The following POLN variants were observed in gnomAD, a reference collection of about 807,000 sequenced individuals.
POLN encodes DNA polymerase N.
Under a neutral mutation model 113.5 loss-of-function variants are expected in POLN, and 108 were observed. The observed-to-expected ratio is 0.95, with a 90% CI of 0.81 to 1.12. POLN has a LOEUF of 1.12. POLN is among the 50% of genes most tolerant of loss of function. The pLI is 0.00. For missense variants in POLN, 1,097 were observed against 1,077.1 expected (o/e 1.02, Z -0.26); for synonymous variants, 386 against 391.5 (o/e 0.99, Z 0.17).
intron 19 of POLN, among the ~76,000 whole-genome samples, chr4:2,124,161 G>A (rs1446936469): frequency 6.6e-6 from 1 of 152,176 alleles, no homozygotes; most frequent in African/African-American, 2.4e-5. Context: ...GAGACAGAAA[G>A]TAGATGAGTG....
At chr4:2,219,288 T>C (rs1222055513) in intron 3 of POLN, among the ~76,000 whole-genome samples, 1 of 152,156 alleles carries the variant, frequency 6.6e-6, no homozygotes, top group African/African-American at 2.4e-5. Context: ...ATATGAATGT[T>C]TCAGTATCCC....
intron 23 of POLN, chr4:2,078,822 A>C: frequency 1.0e-6 from 1 of 985,474 alleles, no homozygotes; most frequent in Non-Finnish European, 1.2e-6. Context: ...GTTCCTGAGT[A>C]AAAGTGTCTG....
rs529118460 is a variant in POLN at position 2,154,912 on chromosome 4, C to A, written c.1731+1876G>T. ...TGCACATGTTATGTTTACATCTCAT[C>A]TTTCCAAAAGTTCAACTGAAATAAC... is the stretch of plus-strand genomic sequence containing the variant. On this transcript the variant is annotated intron_variant, in intron 16 of 25. Coordinates refer to ENST00000511885, the MANE Select transcript of POLN (RefSeq NM_181808.4). 3.9e-5 allele frequency among the ~76,000 whole-genome samples: 6 copies of A among 152,272 alleles called. No homozygotes were observed. In the East Asian group the frequency reaches 9.6e-4, roughly 24 times the overall value.
At chr4:2,171,694 C>T (rs1732865787) in intron 11 of POLN, among the ~76,000 whole-genome samples, 2 of 152,048 alleles carry the variant, frequency 1.3e-5, no homozygotes. Context: ...GATCCCAGCA[C>T]TTTGGGAGGC....
chr4:2,088,793 G>A (rs576225829), intron 20 of POLN: 1,011 of 1,347,876 alleles, frequency 7.5e-4, no homozygotes, highest in Non-Finnish European at 7.7e-4. Flanking sequence ...TGGTATTATC[G>A]CTACAAGAGG....
chr4:2,130,137 C>T (rs1426385750), intron 17 of POLN, among the ~76,000 whole-genome samples: 1 of 151,946 alleles, frequency 6.6e-6, no homozygotes, highest in African/African-American at 2.4e-5. Flanking sequence ...TGCCTGTAAT[C>T]CCAGCTACTA....
At chr4:2,232,425 C>T (rs746937328) in intron 2 of POLN, among the ~76,000 whole-genome samples, 1 of 152,150 alleles carries the variant, frequency 6.6e-6, no homozygotes, top group Non-Finnish European at 1.5e-5. Context: ...CTGTTCTGTG[C>T]ATTCATATAT....
intron 20 of POLN, chr4:2,090,315 A>G: frequency 1.2e-6 from 1 of 806,472 alleles, no homozygotes; most frequent in Non-Finnish European, 2.0e-6. Flanking sequence ...TGATTCAATC[A>G]ATATTTCATC....
intron 7 of POLN, among the ~76,000 whole-genome samples, chr4:2,179,942 G>A (rs753254287): frequency 4.6e-5 from 7 of 152,184 alleles, no homozygotes; most frequent in Non-Finnish European, 8.8e-5. Context: ...GAAGAAGGGC[G>A]GGAGTTGCCT....
At position 2,170,701 on chromosome 4, in the gene POLN, T is replaced by C; in HGVS notation, c.1532A>G (p.Tyr511Cys). The C allele has an allele frequency of 6.2e-7, 1 of 1,613,980 alleles. No homozygotes were observed. Among genetic ancestry groups the C allele is most frequent in the Non-Finnish European group, 8.5e-7 (1 of 1,179,878 alleles). ...TACCACTGCTTCTGATGTAGACGGG[T>C]ATTTCTGCAACCCCGTTCTGGGGAG... Reference protein sequence around the residue: ...NSLPRTGLQKYPSTSEAVLNA... With the variant: ...NSLPRTGLQKCPSTSEAVLNA... Residue 511 changes from tyrosine to cysteine, a missense_variant, in exon 13 of 26, where the codon TAC becomes TGC. Physicochemically the swap from Tyr to Cys is radical, Grantham distance 194. Transcript: ENST00000511885.
chr4:2,235,787 T>C (rs973383059), intron 2 of POLN, among the ~76,000 whole-genome samples: 2 of 152,144 alleles, frequency 1.3e-5, no homozygotes, highest in African/African-American at 2.4e-5. Context: ...AATAAAACTA[T>C]ACATAAAAGC....
At chr4:2,201,277 CAAA>C (rs35399602) in intron 5 of POLN, among the ~76,000 whole-genome samples, 40 of 15,824 alleles carry the variant, frequency 2.5e-3, no homozygotes, top group African/African-American at 0.019. Context: ...CCTACCACTC[CAAA>C]AAAAAAAAAA....
intron 19 of POLN, among the ~76,000 whole-genome samples, chr4:2,104,127 A>G (rs2208903): frequency 0.84 from 127,827 of 152,192 alleles, 54,282 homozygotes; most frequent in Non-Finnish European, 0.9. Flanking sequence ...CAAACAGAGA[A>G]AATGAAAGAA....
intron 16 of POLN, among the ~76,000 whole-genome samples, chr4:2,136,327 T>C (rs904941494): frequency 1.3e-5 from 2 of 152,232 alleles, no homozygotes; most frequent in Non-Finnish European, 2.9e-5. Context: ...TGTGTGGAGA[T>C]CACTTCTCAG....
intron 19 of POLN, among the ~76,000 whole-genome samples, chr4:2,113,859 A>AAATAATAAT (rs150255371): frequency 5.4e-4 from 75 of 140,026 alleles, no homozygotes; most frequent in Middle Eastern, 3.6e-3. Context: ...CTCCATTTCA[A>AAATAATAAT]AATAATAATA....
Position 2,210,582 on chromosome 4 carries a change from AAATAATAATAATAATAATAAT to A in POLN, c.214-2116_214-2096del, listed in dbSNP as rs376506693. On this transcript the variant is annotated intron_variant, in intron 4 of 25. Transcript: ENST00000511885. The stretch of plus-strand genomic sequence containing the variant: ...TGTGCGACAGAGTGAGAAAGTCTCA[AAATAATAATAATAATAATAAT>A]AATAATAATAATAATAATAATAATA... 7.4e-4 allele frequency among the ~76,000 whole-genome samples: 90 copies of A among 121,150 alleles called. 2 individuals are homozygous for A. The East Asian group carries it at 0.019, about 25-fold the overall frequency. The allele number at this position is 121,150 out of a possible 152,430, so 79.5% of individuals were successfully genotyped here.
At chr4:2,183,961 C>T (rs1358068282) in intron 7 of POLN, among the ~76,000 whole-genome samples, 2 of 150,588 alleles carry the variant, frequency 1.3e-5, no homozygotes, top group Non-Finnish European at 2.9e-5. Context: ...TCAGGTGATT[C>T]TTCTGCCTCA....
At chr4:2,187,017 G>C (rs2108754111) in intron 7 of POLN, among the ~76,000 whole-genome samples, 1 of 152,250 alleles carries the variant, frequency 6.6e-6, no homozygotes, top group East Asian at 1.9e-4. Flanking sequence ...GGATCAAGCA[G>C]AGAAAACAAT....
At chr4:2,157,591 C>T (rs560324760) in intron 15 of POLN, among the ~76,000 whole-genome samples, 2 of 151,906 alleles carry the variant, frequency 1.3e-5, no homozygotes, top group East Asian at 1.9e-4. Flanking sequence ...GGCGTGGTGG[C>T]GGACACCTGT....
Sources: gnomAD v4.1 joint callset for allele counts (sites outside exome capture counted in the v4.1 genomes callset) on GRCh38, gnomAD v4.1.1 for gene constraint, MANE v1.5 for transcripts, NCBI Gene and HGNC (gene_info 2026-07-23, HGNC 2026-07-21) for gene names.